Variants in HIPK1 observed in about 807,000 individuals in gnomAD.
HIPK1 encodes the protein homeodomain-interacting protein kinase 1.
HIPK1 carries 28 observed loss-of-function variants against 117.1 expected under a neutral mutation model. The ratio of observed to expected loss-of-function variants is 0.24; its 90% CI spans 0.18 to 0.33. The LOEUF (loss-of-function observed/expected upper bound fraction) is 0.33. Ranked by LOEUF, HIPK1 falls within the 10% of genes least tolerant of loss-of-function variation. The probability of loss-of-function intolerance (pLI) is 1.00; values close to 1 mark genes in which losing one functional copy is unlikely to be tolerated. For synonymous variants in HIPK1, 605 were observed against 562.5 expected (o/e 1.08, Z -1.07); for missense variants, 1,122 against 1,475.1 (o/e 0.76, Z 3.92).
chr1:113,969,781 C>T (rs1226274420), intron 13 of HIPK1, among the ~76,000 whole-genome samples, 175 bp from the exon 14 acceptor site: 2 of 152,000 alleles, frequency 1.3e-5, no homozygotes, highest in Non-Finnish European at 2.9e-5. Flanking sequence ...GTGGTACACA[C>T]CTGTAGTCCC....
At chr1:113,953,015 A>T in intron 3 of HIPK1, 126 bp downstream of exon 3, 5 of 831,350 alleles carry the variant, frequency 6.0e-6, no homozygotes, top group Non-Finnish European at 8.3e-6. Context: ...TCCAATTGCT[A>T]CTAAAGAACT....
intron 8 of HIPK1, among the ~76,000 whole-genome samples, chr1:113,958,628 A>G (rs1176978030): frequency 6.6e-6 from 1 of 152,212 alleles, no homozygotes; most frequent in African/African-American, 2.4e-5. Flanking sequence ...ACTTGAAAAA[A>G]TTTGTTGTAA....
rs563618475 is a variant in HIPK1, at chr1:113,975,518, T to A, written c.*2006T>A. 1.9e-4 allele frequency: 29 copies of A among 152,352 alleles called. No homozygotes were observed. The highest frequency in any genetic ancestry group is 9.4e-4 in the East Asian group (5 of 5,322). 9.4% of individuals were successfully genotyped at this position (152,352 alleles called of 1,614,324 possible). ...TATGTGCAATCACTTTTAGAATGAATTTTTTTTTCCTTTTCCCATGTGGCA... is the reference window on the plus strand; with the variant it reads ...TATGTGCAATCACTTTTAGAATGAAATTTTTTTTCCTTTTCCCATGTGGCA... On this transcript the variant is annotated 3_prime_UTR_variant, in exon 16 of 16. Coordinates refer to ENST00000426820, the MANE Select transcript of HIPK1 (RefSeq NM_198268.3).
rs1332490978 is a variant in HIPK1, at chr1:113,957,415, A to G, written c.1755+129A>G. 4.3e-6 allele frequency: 3 copies of G among 690,456 alleles called. No individual in the cohort carries two copies. The African/African-American group carries it at 5.4e-5, about 12-fold the overall frequency. The allele number at this position is 690,456 out of a possible 1,614,324, so 42.8% of individuals were successfully genotyped here. A position where few individuals can be genotyped will look rare whatever the true frequency, so the allele number is the denominator to read the frequency against. ...CTTCTTAGAAATTCTCCACTTGACA[A>G]AAGTTGATGGAAAACAGGGTAGACT... On this transcript the variant is annotated intron_variant, in intron 7 of 15. Coordinates refer to ENST00000426820, the MANE Select transcript of HIPK1 (RefSeq NM_198268.3).
chr1:113,953,669 C>T (rs1671514813), intron 3 of HIPK1, among the ~76,000 whole-genome samples: 1 of 152,060 alleles, frequency 6.6e-6, no homozygotes, highest in Non-Finnish European at 1.5e-5. Flanking sequence ...AGGTGCCTGC[C>T]ACCATGACCA....
intron 4 of HIPK1, among the ~76,000 whole-genome samples, 196 bp from the exon 5 acceptor site, chr1:113,955,367 A>G (rs1422258132): frequency 1.3e-5 from 2 of 152,172 alleles, no homozygotes; most frequent in African/African-American, 4.8e-5. Context: ...CATGTTTATC[A>G]CTGTTGAAAG....
chr1:113,943,091 G>A (rs138761152), intron 2 of HIPK1, among the ~76,000 whole-genome samples: 3 of 152,152 alleles, frequency 2.0e-5, no homozygotes, highest in Non-Finnish European at 4.4e-5. Context: ...AAACATTGTG[G>A]TAAGATGTTT....
At chr1:113,929,805 G>C in intron 1 of HIPK1, 1 of 982,138 alleles carries the variant, frequency 1.0e-6, no homozygotes, top group Non-Finnish European at 1.2e-6. Flanking sequence ...GGACGGCTCC[G>C]GGGGGCGGGG....
chr1:113,936,042 C>G (rs1670225115), intron 1 of HIPK1, among the ~76,000 whole-genome samples: 1 of 152,148 alleles, frequency 6.6e-6, no homozygotes, highest in Non-Finnish European at 1.5e-5. Context: ...CTAGAAATTG[C>G]TGTTTTAGCT....
intron 8 of HIPK1, among the ~76,000 whole-genome samples, chr1:113,961,859 G>T (rs545397382): frequency 4.1e-5 from 6 of 145,406 alleles, no homozygotes; most frequent in Admixed American, 7.3e-5. Flanking sequence ...CAGAAGAATC[G>T]CTTGAACTTG....
chr1:113,955,356 G>A (rs1487664920), intron 4 of HIPK1, among the ~76,000 whole-genome samples: 1 of 152,182 alleles, frequency 6.6e-6, no homozygotes, highest in African/African-American at 2.4e-5. Flanking sequence ...ATCATTACTT[G>A]CATGTTTATC....
chr1:113,944,158 G>GTTTT (rs1474594102), intron 2 of HIPK1, among the ~76,000 whole-genome samples: 26 of 84,598 alleles, frequency 3.1e-4, no homozygotes, highest in African/African-American at 1.3e-3. Context: ...AATAGCCATG[G>GTTTT]GTTTTTTTTT....
chr1:113,945,274 A>T (rs1019153809), intron 2 of HIPK1, among the ~76,000 whole-genome samples: 7 of 152,072 alleles, frequency 4.6e-5, no homozygotes, highest in African/African-American at 1.7e-4. Context: ...CTTAATTTTC[A>T]TCTATTCCTT....
rs543139503 is a variant in HIPK1, at chr1:113,957,277, G to A, written c.1746G>A (p.Val582=). The A allele has an allele frequency of 2.5e-6, 4 of 1,609,290 alleles. No homozygotes were observed. Among genetic ancestry groups the A allele is most frequent in the Non-Finnish European group, 3.4e-6 (4 of 1,177,238 alleles). ...TMSFSNQLNT[V]HNQASVLASS... Reference sequence around the variant, plus strand: ...GCTTCAGCAATCAGCTCAATACAGTGCACAATCAGGTATTCAATAAATAAT... The same window carrying A: ...GCTTCAGCAATCAGCTCAATACAGTACACAATCAGGTATTCAATAAATAAT... The change falls in exon 7 of 16, where the codon GTG becomes GTA. Residue 582 remains valine (V), a synonymous_variant. Transcript: ENST00000426820.
intron 14 of HIPK1, 68 bp downstream of exon 14, chr1:113,970,265 T>A: frequency 6.4e-7 from 1 of 1,562,266 alleles, no homozygotes; most frequent in Non-Finnish European, 8.8e-7. Context: ...TATTTTGCCA[T>A]AATCCACTTA....
At chr1:113,938,962 A>ACACACACACACT (rs1670457296) in intron 1 of HIPK1, among the ~76,000 whole-genome samples, 1 of 144,248 alleles carries the variant, frequency 6.9e-6, no homozygotes, top group Non-Finnish European at 1.5e-5. Context: ...ACACACACAC[A>ACACACACACACT]CTTAGGAGAT....
chr1:113,949,942 C>A (rs1671240470), intron 2 of HIPK1, among the ~76,000 whole-genome samples: 1 of 152,096 alleles, frequency 6.6e-6, no homozygotes, highest in Non-Finnish European at 1.5e-5. Flanking sequence ...AAATTAAATA[C>A]TACAAAAACT....
intron 12 of HIPK1, 42 bp from the exon 13 acceptor site, chr1:113,968,400 G>T (rs1421711560): frequency 1.4e-6 from 2 of 1,416,592 alleles, no homozygotes; most frequent in South Asian, 2.3e-5. Flanking sequence ...AATTTGGAAG[G>T]CCAAGGACTG....
Position 113,941,791 on chromosome 1 carries a change from G to T in HIPK1, c.1076+332G>T. 6.6e-6 allele frequency among the ~76,000 whole-genome samples: 1 copy of T among 151,754 alleles called. No homozygotes were observed. The highest frequency in any genetic ancestry group is 1.9e-4 in the East Asian group (1 of 5,178). On this transcript the variant is annotated intron_variant, in intron 2 of 15. Coordinates refer to ENST00000426820, the MANE Select transcript of HIPK1 (RefSeq NM_198268.3). This position sits in a 1 kb window ranked among gnomAD's most constrained non-coding sequence, Gnocchi z 4.9. ...TTTATTTATTTAGAGACAGAATCTC[G>T]CTCTGTCGCCCAGGCTGGAGTGCAG...
Sources: allele counts gnomAD v4.1 joint callset (sites outside exome capture counted in the v4.1 genomes callset), GRCh38; gene constraint gnomAD v4.1.1; non-coding constraint Gnocchi (gnomAD v3.1); transcripts MANE v1.5; gene names NCBI Gene and HGNC (gene_info 2026-07-23, HGNC 2026-07-21).